Variants in PIWIL1 observed in about 807,000 individuals in gnomAD.
The protein encoded by PIWIL1 is piwi-like protein 1.
A neutral mutation model predicts 114.4 loss-of-function variants in PIWIL1; 73 were observed. The ratio of observed to expected loss-of-function variants is 0.64; its 90% CI spans 0.53 to 0.78. The LOEUF (loss-of-function observed/expected upper bound fraction) is 0.78. Ranked by LOEUF, PIWIL1 falls within the 30% of genes least tolerant of loss-of-function variation. The pLI, the probability that PIWIL1 is intolerant of heterozygous loss-of-function variation, is 0.00. For synonymous variants in PIWIL1, 375 were observed against 369.0 expected (o/e 1.02, Z -0.19); for missense variants, 723 against 1,063.1 (o/e 0.68, Z 4.45).
the PIWIL1 span, among the ~76,000 whole-genome samples, chr12:130,390,358 A>G: frequency 2.6e-5 from 4 of 152,206 alleles, no homozygotes; most frequent in Non-Finnish European, 5.9e-5. Flanking sequence ...GGTTGTTTGT[A>G]CAGCAGACTG....
the PIWIL1 span, among the ~76,000 whole-genome samples, chr12:130,420,597 TA>T: frequency 2.0e-3 from 297 of 151,428 alleles, 1 homozygote; most frequent in African/African-American, 6.8e-3. The surrounding 1 kb of genome is among the most constrained non-coding windows in gnomAD (Gnocchi z 4.3). Flanking sequence ...AATGCAGTTT[TA>T]AAAAAAAAGT....
the PIWIL1 span, chr12:130,406,221 C>G: frequency 1.2e-5 from 19 of 1,604,544 alleles, no homozygotes; most frequent in African/African-American, 2.5e-4. Context: ...AATAATATCT[C>G]CTGTGCAAAA....
At chr12:130,380,203 T>C in the PIWIL1 span, among the ~76,000 whole-genome samples, 1 of 147,676 alleles carries the variant, frequency 6.8e-6, no homozygotes, top group African/African-American at 2.6e-5. Flanking sequence ...CATCCAAGCA[T>C]TGACAGTTCC....
the PIWIL1 span, chr12:130,407,668 A>G: frequency 2.2e-6 from 3 of 1,368,290 alleles, no homozygotes; most frequent in East Asian, 2.3e-5. Flanking sequence ...GTGGTGTACC[A>G]CGAGGGAAGG....
chr12:130,392,675 G>A, the PIWIL1 span, among the ~76,000 whole-genome samples: 2 of 23,670 alleles, frequency 8.4e-5, no homozygotes, highest in Admixed American at 3.6e-4. Flanking sequence ...CCGTCATCAC[G>A]TGTCTGTCAG....
the PIWIL1 span, among the ~76,000 whole-genome samples, chr12:130,421,635 C>T: frequency 6.6e-6 from 1 of 151,582 alleles, no homozygotes; most frequent in South Asian, 2.1e-4. Flanking sequence ...CATGCCAAAC[C>T]AAGACGGTTT....
chr12:130,414,223 T>A, the PIWIL1 span: 1 of 1,614,094 alleles, frequency 6.2e-7, no homozygotes, highest in Non-Finnish European at 8.5e-7. Flanking sequence ...GCCACAAAGA[T>A]CCGGGCCGGG....
At chr12:130,382,615 T>G in the PIWIL1 span, among the ~76,000 whole-genome samples, 1 of 152,252 alleles carries the variant, frequency 6.6e-6, no homozygotes. Flanking sequence ...TTCTGAGTAA[T>G]AACTTTGTTA....
the PIWIL1 span, among the ~76,000 whole-genome samples, chr12:130,386,389 C>G: frequency 6.6e-6 from 1 of 151,906 alleles, no homozygotes; most frequent in Non-Finnish European, 1.5e-5. Context: ...CAATAGCCAC[C>G]GTTCACCCAT....
Position 130,355,005 on chromosome 12 carries a change from A to G in PIWIL1, c.1289A>G (p.Lys430Arg), listed in dbSNP as rs1565947886. ...GGACGACTCATTGATTACATTCATAAGTAAGTCATTGATTTCACTGGGGCA... is the reference window on the plus strand; with the variant it reads ...GGACGACTCATTGATTACATTCATAGGTAAGTCATTGATTTCACTGGGGCA... ...EVGRLIDYIH[K>R]NDNVQRELRD... is the part of the protein sequence containing the mutation. The change falls in exon 11 of 21, where the codon AAA becomes AGA. Residue 430 changes from lysine (K) to arginine (R), a missense_variant and splice_region_variant. This residue lies in a region of PIWIL1 where 298 missense variants were observed against 420.8 expected (regional missense o/e 0.71). Transcript: ENST00000245255. 3 of 1,570,610 alleles carry G rather than the reference A, an allele frequency of 1.9e-6. No individual in the cohort carries two copies. The highest frequency in any genetic ancestry group is 3.3e-4 in the Middle Eastern group (2 of 5,994).
intron 19 of PIWIL1, among the ~76,000 whole-genome samples, chr12:130,369,407 T>C (rs1176587939): frequency 6.6e-6 from 1 of 152,252 alleles, no homozygotes; most frequent in Non-Finnish European, 1.5e-5. Flanking sequence ...TTTGGGTATA[T>C]ACCCAGTAAT....
At chr12:130,423,722 A>G in the PIWIL1 span, among the ~76,000 whole-genome samples, 25 of 149,880 alleles carry the variant, frequency 1.7e-4, no homozygotes, top group African/African-American at 6.1e-4. Context: ...TAAATGTCAG[A>G]AAGCAATGAA....
At chr12:130,403,193 A>G in the PIWIL1 span, among the ~76,000 whole-genome samples, 1 of 152,236 alleles carries the variant, frequency 6.6e-6, no homozygotes, top group African/African-American at 2.4e-5. Context: ...TTGGTATCAA[A>G]TTAGGTGTCC....
intron 1 of PIWIL1, among the ~76,000 whole-genome samples, chr12:130,338,870 G>T (rs1217173261): frequency 1.1e-4 from 10 of 91,284 alleles, no homozygotes; most frequent in African/African-American, 4.2e-4. Context: ...GGGTGCAGGG[G>T]CCGGGGTGCG....
the PIWIL1 span, among the ~76,000 whole-genome samples, chr12:130,421,255 C>T: frequency 6.6e-6 from 1 of 152,250 alleles, no homozygotes; most frequent in South Asian, 2.1e-4. Context: ...GCTCCACTAA[C>T]CCTGCTAGCT....
In PIWIL1 at chr12:130,371,612, A is replaced by G; in HGVS notation, c.*14A>G. ...TACTACCTCTAACCTGCAGAAGACGATGCAGCCGCTTTTCTTTTTGAAATG... is the reference window on the plus strand; with the variant it reads ...TACTACCTCTAACCTGCAGAAGACGGTGCAGCCGCTTTTCTTTTTGAAATG... On this transcript the variant is annotated 3_prime_UTR_variant, in exon 21 of 21. Transcript: ENST00000245255. 2 of 1,444,618 alleles carry G rather than the reference A, an allele frequency of 1.4e-6. No individual in the cohort carries two copies. The highest frequency in any genetic ancestry group is 1.9e-6 in the Non-Finnish European group (2 of 1,043,562). The allele number at this position is 1,444,618 out of a possible 1,614,324, so 89.5% of individuals were successfully genotyped here. A position where few individuals can be genotyped will look rare whatever the true frequency, so the allele number is the denominator to read the frequency against.
the PIWIL1 span, among the ~76,000 whole-genome samples, chr12:130,378,930 G>C: frequency 1.3e-5 from 2 of 152,200 alleles, no homozygotes; most frequent in Non-Finnish European, 2.9e-5. Flanking sequence ...ATCATTCGAA[G>C]AGAAGATGTT....
chr12:130,348,212 C>A, intron 7 of PIWIL1, 29 bp downstream of exon 7: 2 of 1,317,034 alleles, frequency 1.5e-6, no homozygotes, highest in Admixed American at 1.8e-5. Context: ...GTTTAATATT[C>A]CTTAGGCTTA....
At chr12:130,350,049 C>A in intron 9 of PIWIL1, 82 bp downstream of exon 9, 2 of 767,736 alleles carry the variant, frequency 2.6e-6, no homozygotes, top group East Asian at 5.1e-5. Flanking sequence ...ACATTTGGAA[C>A]AAGTTGCGTT....
Sources: allele counts gnomAD v4.1 joint callset (sites outside exome capture counted in the v4.1 genomes callset), GRCh38; gene constraint gnomAD v4.1.1; regional missense constraint gnomAD v4.1.1; non-coding constraint Gnocchi (gnomAD v3.1); transcripts MANE v1.5; gene names NCBI Gene and HGNC (gene_info 2026-07-23, HGNC 2026-07-21).